Variants in GRAMD2A observed in about 807,000 individuals in gnomAD.
GRAMD2A encodes GRAM domain containing 2A, also known as GRAM domain-containing protein 2A.
A neutral mutation model predicts 51.1 loss-of-function variants in GRAMD2A; 37 were observed. The ratio of observed to expected loss-of-function variants is 0.72; its 90% CI spans 0.56 to 0.95. The LOEUF (loss-of-function observed/expected upper bound fraction) is 0.95, where lower values mean the gene tolerates loss of function less well. GRAMD2A is among the 40% of genes least tolerant of loss of function. GRAMD2A has a pLI of 0.00. For missense variants in GRAMD2A, 414 were observed against 426.9 expected, an observed-to-expected ratio of 0.97 and a Z score of 0.27; for synonymous variants, 136 against 157.1, an observed-to-expected ratio of 0.87 and a Z score of 1.01.
intron 1 of GRAMD2A, among the ~76,000 whole-genome samples, chr15:72,190,356 G>A (rs549353813): frequency 1.3e-5 from 2 of 152,240 alleles, no homozygotes; most frequent in African/African-American, 2.4e-5. Context: ...TCCAGCCTGG[G>A]CGACAGAGTG....
rs1056498234 is a variant in GRAMD2A, at chr15:72,166,197, T to A, written c.543+435A>T. 3.9e-5 allele frequency among the ~76,000 whole-genome samples: 6 copies of A among 152,258 alleles called. No individual in the cohort carries two copies. Among genetic ancestry groups the A allele is most frequent in the Non-Finnish European group, 8.8e-5 (6 of 68,050 alleles). ...AGGATTCAATAAGTTATATAAGATG[T>A]TCCACACTTTATTATAAAACAGGCT... On this transcript the variant is annotated intron_variant, in intron 7 of 11. Coordinates refer to ENST00000309731, the MANE Select transcript of GRAMD2A (RefSeq NM_001012642.3). This position sits in a 1 kb window ranked among gnomAD's most constrained non-coding sequence, Gnocchi z 4.1.
intron 4 of GRAMD2A, among the ~76,000 whole-genome samples, chr15:72,168,199 G>GCC (rs1481654602): frequency 1.3e-5 from 2 of 152,172 alleles, no homozygotes; most frequent in African/African-American, 2.4e-5. Flanking sequence ...TTGTGCAAAT[G>GCC]CCCCCACCTG....
intron 1 of GRAMD2A, among the ~76,000 whole-genome samples, chr15:72,178,199 G>A (rs2081669151): frequency 6.6e-6 from 1 of 152,148 alleles, no homozygotes; most frequent in Admixed American, 6.5e-5. Flanking sequence ...CTTCACCCTG[G>A]CCCTCTTGAG....
At chr15:72,195,908 A>C (rs375799158) in intron 1 of GRAMD2A, among the ~76,000 whole-genome samples, 1 of 151,810 alleles carries the variant, frequency 6.6e-6, no homozygotes, top group Non-Finnish European at 1.5e-5. Flanking sequence ...TAACAAGAGC[A>C]AAACTCCGTC....
chr15:72,188,832 G>A (rs946682338), intron 1 of GRAMD2A, among the ~76,000 whole-genome samples: 2 of 151,966 alleles, frequency 1.3e-5, no homozygotes, highest in East Asian at 1.9e-4. Flanking sequence ...ACAGGTGCCC[G>A]CCACCTCAGC....
At chr15:72,167,203 TG>T (rs960322160) in intron 5 of GRAMD2A, 111 bp from the exon 6 acceptor site, 1 of 775,914 alleles carries the variant, frequency 1.3e-6, no homozygotes, top group African/African-American at 1.7e-5. Context: ...TGGGGAAGCC[TG>T]GCCCCATGTG....
Position 72,159,813 on chromosome 15 carries a change from G to GA in GRAMD2A, c.*2195dup, listed in dbSNP as rs2081451261. The GA allele has an allele frequency of 6.6e-6, 1 of 152,132 alleles. No homozygotes were observed. Among genetic ancestry groups the GA allele is most frequent in the Non-Finnish European group, 1.5e-5 (1 of 68,016 alleles). The allele number at this position is 152,132 out of a possible 1,614,324, so 9.4% of individuals were successfully genotyped here. On this transcript the variant is annotated 3_prime_UTR_variant, in exon 12 of 12. Coordinates refer to ENST00000309731, the MANE Select transcript of GRAMD2A (RefSeq NM_001012642.3). ...GAACTTTCTATACCATAATACACTAGAAAAATCAAGTTTTTTATTTTAAAA... is the reference window on the plus strand; with the variant it reads ...GAACTTTCTATACCATAATACACTAGAAAAAATCAAGTTTTTTATTTTAAAA...
intron 1 of GRAMD2A, among the ~76,000 whole-genome samples, chr15:72,194,889 T>C (rs1040926337): frequency 7.9e-5 from 12 of 152,260 alleles, no homozygotes; most frequent in African/African-American, 2.9e-4. Flanking sequence ...GGTTTTACCA[T>C]GTTGGCCAGG....
intron 11 of GRAMD2A, 57 bp from the exon 12 acceptor site, chr15:72,162,069 G>A: frequency 2.5e-6 from 4 of 1,605,312 alleles, no homozygotes; most frequent in Non-Finnish European, 1.7e-6. Context: ...AGACGGACGT[G>A]GGCAGAAGGG....
chr15:72,185,832 T>C (rs898612378), intron 1 of GRAMD2A, among the ~76,000 whole-genome samples: 1 of 152,232 alleles, frequency 6.6e-6, no homozygotes, highest in African/African-American at 2.4e-5. Context: ...TTGGGGCAAT[T>C]TGGCTACCTC....
At chr15:72,183,267 C>G (rs1053813623) in intron 1 of GRAMD2A, among the ~76,000 whole-genome samples, 1 of 152,028 alleles carries the variant, frequency 6.6e-6, no homozygotes, top group Non-Finnish European at 1.5e-5. Context: ...CCTGTAATCC[C>G]AGCACTTTGG....
chr15:72,189,104 T>C (rs1302354796), intron 1 of GRAMD2A, among the ~76,000 whole-genome samples: 2 of 152,196 alleles, frequency 1.3e-5, no homozygotes, highest in Non-Finnish European at 2.9e-5. Context: ...CATACTATTT[T>C]CATTTAGTAA....
chr15:72,177,189 G>T (rs1430838916), intron 1 of GRAMD2A, among the ~76,000 whole-genome samples: 2 of 149,486 alleles, frequency 1.3e-5, no homozygotes, highest in East Asian at 2.0e-4. Flanking sequence ...AAAAAAAAAT[G>T]ATGCCTGAGC....
intron 1 of GRAMD2A, among the ~76,000 whole-genome samples, chr15:72,175,548 C>T (rs191672503): frequency 1.4e-3 from 215 of 152,346 alleles, no homozygotes; most frequent in African/African-American, 4.5e-3. Flanking sequence ...CCTGCTTACC[C>T]TTCTCATGCT....
intron 3 of GRAMD2A, 149 bp from the exon 4 acceptor site, chr15:72,168,715 G>T: frequency 1.3e-6 from 1 of 759,056 alleles, no homozygotes; most frequent in Non-Finnish European, 2.3e-6. Context: ...GAGTATGGAG[G>T]GCTGTGTGCC....
At chr15:72,172,211 C>T (rs957213748) in intron 1 of GRAMD2A, among the ~76,000 whole-genome samples, 1 of 151,812 alleles carries the variant, frequency 6.6e-6, no homozygotes, top group Non-Finnish European at 1.5e-5. Flanking sequence ...CTCAGCCTCC[C>T]GAGCTCATGT....
chr15:72,192,149 G>C lies in GRAMD2A; in HGVS notation c.41+5582C>G, dbSNP rs189991424. On this transcript the variant is annotated intron_variant, in intron 1 of 11. Transcript: ENST00000309731. ...GCTTCAGAATAATCCAGGAGACAGGGAGAAGGGAGGTATATATGAAACAAA... is the reference window on the plus strand; with the variant it reads ...GCTTCAGAATAATCCAGGAGACAGGCAGAAGGGAGGTATATATGAAACAAA... Among the ~76,000 whole-genome samples, 118 of 152,300 alleles carry C rather than the reference G, an allele frequency of 7.7e-4. 1 individual carries two copies. The highest frequency in any genetic ancestry group is 3.4e-3 in the Middle Eastern group (1 of 294).
At chr15:72,187,296 T>C (rs1363917945) in intron 1 of GRAMD2A, among the ~76,000 whole-genome samples, 1 of 151,972 alleles carries the variant, frequency 6.6e-6, no homozygotes, top group Non-Finnish European at 1.5e-5. Flanking sequence ...TCACTCTTTA[T>C]ACACTGTTTT....
chr15:72,167,979 C>A, intron 4 of GRAMD2A, 140 bp from the exon 5 acceptor site: 2 of 665,362 alleles, frequency 3.0e-6, no homozygotes, highest in Admixed American at 4.7e-5. Context: ...ACCGCAGGCC[C>A]CAAACCCCAA....
Sources: allele counts gnomAD v4.1 joint callset (sites outside exome capture counted in the v4.1 genomes callset), GRCh38; gene constraint gnomAD v4.1.1; non-coding constraint Gnocchi (gnomAD v3.1); transcripts MANE v1.5; gene names NCBI Gene and HGNC (gene_info 2026-07-23, HGNC 2026-07-21).